TMPO: variants seen among roughly 807,000 people sequenced by gnomAD.
TMPO encodes the protein thymopoietin.
A neutral mutation model predicts 45.4 loss-of-function variants in TMPO; 22 were observed. The observed-to-expected ratio is 0.48, with a 90% CI of 0.35 to 0.69. The LOEUF (loss-of-function observed/expected upper bound fraction) is 0.69, where lower values mean the gene tolerates loss of function less well. Among genes scored for constraint, TMPO ranks in the 30% least tolerant of loss-of-function variants. The probability of loss-of-function intolerance (pLI) is 0.01; values close to 1 mark genes in which losing one functional copy is unlikely to be tolerated. For missense variants in TMPO, 512 were observed against 548.8 expected, an observed-to-expected ratio of 0.93 and a Z score of 0.67; for synonymous variants, 241 against 204.1, an observed-to-expected ratio of 1.18 and a Z score of -1.54.
Position 98,547,879 on chromosome 12 carries a change from T to A in TMPO, c.*21T>A, listed in dbSNP as rs929453380. 3.1e-6 allele frequency: 5 copies of A among 1,612,626 alleles called. No individual in the cohort carries two copies. The Admixed American group carries it at 5.0e-5, about 16-fold the overall frequency. On this transcript the variant is annotated 3_prime_UTR_variant, in exon 9 of 9. Transcript: ENST00000556029. ...ACTGAATGGTATCTCTTTGGCACGT[T>A]CAACTTGGTCTCCTATTTTCAATAA...
rs772520813 is a variant in TMPO at position 98,516,157 on chromosome 12, G to C, written c.279+11G>C. 1.7e-5 allele frequency: 23 copies of C among 1,379,312 alleles called. No individual in the cohort carries two copies. Among genetic ancestry groups the C allele is most frequent in the Non-Finnish European group, 2.1e-5 (22 of 1,072,862 alleles). 85.4% of individuals were successfully genotyped at this position (1,379,312 alleles called of 1,614,324 possible). Reference sequence around the variant, plus strand: ...GCAGCCGTCGGCAGGGTAAGGACGCGGGGCCGGGGCTACAAAGGCGGGCGT... The same window carrying C: ...GCAGCCGTCGGCAGGGTAAGGACGCCGGGCCGGGGCTACAAAGGCGGGCGT... On this transcript the variant is annotated intron_variant, in intron 1 of 8. Coordinates refer to ENST00000556029, the MANE Select transcript of TMPO (RefSeq NM_001032283.3).
At position 98,515,686 on chromosome 12, in the gene TMPO, C is replaced by G. The variant is rs1378791264; in HGVS notation, c.-182C>G. 7.4e-7 allele frequency: 1 copy of G among 1,356,558 alleles called. No individual in the cohort carries two copies. The highest frequency in any genetic ancestry group is 2.5e-5 in the Admixed American group (1 of 40,070). 84.0% of individuals were successfully genotyped at this position (1,356,558 alleles called of 1,614,324 possible). ...TTGGTTCGTAGTTCGGCTCTGGGGT[C>G]TTTTGTGTCCGGGTCTGGCTTGGCT... On this transcript the variant is annotated 5_prime_UTR_variant, in exon 1 of 9. Coordinates refer to ENST00000556029, the MANE Select transcript of TMPO (RefSeq NM_001032283.3).
At chr12:98,518,467 A>C (rs1163732530) in intron 1 of TMPO, among the ~76,000 whole-genome samples, 2 of 101,996 alleles carry the variant, frequency 2.0e-5, no homozygotes. Context: ...CTAATTTTCT[A>C]ATCTTTTTTT....
intron 1 of TMPO, among the ~76,000 whole-genome samples, chr12:98,521,272 C>A (rs545343548): frequency 8.6e-5 from 13 of 151,052 alleles, no homozygotes; most frequent in Admixed American, 8.6e-4. Flanking sequence ...CCACCACCCC[C>A]GGCTAATTTT....
chr12:98,519,105 A>G (rs563912258), intron 1 of TMPO, among the ~76,000 whole-genome samples: 20 of 151,920 alleles, frequency 1.3e-4, no homozygotes, highest in Non-Finnish European at 2.4e-4. Flanking sequence ...GATGGCCTCG[A>G]TCTCCTGACC....
intron 4 of TMPO, among the ~76,000 whole-genome samples, chr12:98,543,367 C>T (rs989434818): frequency 6.6e-6 from 1 of 152,148 alleles, no homozygotes; most frequent in African/African-American, 2.4e-5. Context: ...ACTTGGAATG[C>T]GGAATTTCGG....
At chr12:98,533,296 A>T in intron 3 of TMPO, 4 of 1,614,062 alleles carry the variant, frequency 2.5e-6, no homozygotes, top group Non-Finnish European at 3.4e-6. Flanking sequence ...GAGGTCCCAT[A>T]TTTCAGATCA....
intron 1 of TMPO, among the ~76,000 whole-genome samples, chr12:98,518,913 G>A (rs1876109329): frequency 1.3e-5 from 2 of 150,156 alleles, no homozygotes; most frequent in South Asian, 4.2e-4. Context: ...GACGAGTCTT[G>A]CTCTGTCGCC....
chr12:98,523,972 G>A (rs773314509), intron 1 of TMPO, among the ~76,000 whole-genome samples: 8 of 152,154 alleles, frequency 5.3e-5, no homozygotes, highest in Non-Finnish European at 1.0e-4. Flanking sequence ...AGCCACTGCC[G>A]AGAATTGGTT....
Position 98,544,956 on chromosome 12 carries a change from C to G in TMPO, c.885C>G (p.Val295=). 6.2e-7 allele frequency: 1 copy of G among 1,610,952 alleles called. No individual in the cohort carries two copies. Among genetic ancestry groups the G allele is most frequent in the South Asian group, 1.1e-5 (1 of 90,984 alleles). Residue 295 remains valine (V), a synonymous_variant, in exon 7 of 9, where the codon GTC becomes GTG. Coordinates refer to ENST00000556029, the MANE Select transcript of TMPO (RefSeq NM_001032283.3). ...IMASSNESLV[V]NRVTGNFKHA... ...AATAATTTGAATCTTGGCAGGTTGT[C>G]AATAGGGTGACTGGAAATTTCAAGC...
intron 3 of TMPO, chr12:98,533,159 G>A: frequency 6.2e-7 from 1 of 1,614,126 alleles, no homozygotes; most frequent in Non-Finnish European, 8.5e-7. Flanking sequence ...CCTGAACACA[G>A]TGCCATGTTG....
chr12:98,515,972 C>T lies in TMPO; in HGVS notation c.105C>T (p.Asp35=), dbSNP rs1875752554. 2.5e-6 allele frequency: 4 copies of T among 1,613,072 alleles called. No individual in the cohort carries two copies. Among genetic ancestry groups the T allele is most frequent in the Non-Finnish European group, 3.4e-6 (4 of 1,179,848 alleles). Residue 35 remains aspartate (D), a synonymous_variant, in exon 1 of 9, where the codon GAC becomes GAT. Transcript: ENST00000556029. ...VTLPAGEQRK[D]VYVQLYLQHL... is the part of the protein sequence containing the mutation. ...TGCCGGCCGGGGAGCAGCGCAAAGACGTGTACGTCCAGCTCTACCTGCAGC... is the reference window on the plus strand; with the variant it reads ...TGCCGGCCGGGGAGCAGCGCAAAGATGTGTACGTCCAGCTCTACCTGCAGC...
intron 1 of TMPO, among the ~76,000 whole-genome samples, chr12:98,519,243 T>C (rs753752535): frequency 5.3e-4 from 80 of 151,894 alleles, no homozygotes; most frequent in Non-Finnish European, 1.1e-3. Context: ...AGACGGAGTC[T>C]CCATTGCCCA....
chr12:98,535,423 A>G, intron 3 of TMPO: 1 of 985,394 alleles, frequency 1.0e-6, no homozygotes, highest in Non-Finnish European at 1.2e-6. Context: ...CTTAAGCATA[A>G]TAAAATATGG....
rs1244858960 is a variant in TMPO, at chr12:98,527,873, A to G, written c.280-13A>G. ...TAATTCATATGGAAATGATTACTGG[A>G]CTTTGTTTACAGAAAGCCACAAAAA... On this transcript the variant is annotated splice_polypyrimidine_tract_variant and intron_variant, in intron 1 of 8. Transcript: ENST00000556029. The G allele has an allele frequency of 1.9e-6, 3 of 1,613,260 alleles. No individual in the cohort carries two copies. Among genetic ancestry groups the G allele is most frequent in the African/African-American group, 2.7e-5 (2 of 74,890 alleles).
chr12:98,520,715 G>T (rs185585158), intron 1 of TMPO, among the ~76,000 whole-genome samples: 35 of 151,510 alleles, frequency 2.3e-4, no homozygotes, highest in African/African-American at 8.5e-4. Context: ...GCTCTGCCTA[G>T]CTGAGACTAC....
chr12:98,528,143 T>G, intron 2 of TMPO, 131 bp downstream of exon 2: 1 of 994,512 alleles, frequency 1.0e-6, no homozygotes, highest in Non-Finnish European at 1.5e-6. Flanking sequence ...CAGCAGAACC[T>G]GTGTTTCTTT....
At chr12:98,527,804 G>A (rs1254047400) in intron 1 of TMPO, 82 bp from the exon 2 acceptor site, 27 of 1,532,838 alleles carry the variant, frequency 1.8e-5, no homozygotes, top group Non-Finnish European at 9.0e-7. Context: ...TAGTGAGTTT[G>A]CATGTTTATG....
At chr12:98,543,461 T>G (rs1878046376) in intron 4 of TMPO, among the ~76,000 whole-genome samples, 1 of 152,212 alleles carries the variant, frequency 6.6e-6, no homozygotes, top group Non-Finnish European at 1.5e-5. Context: ...GAAGAACTGA[T>G]CTAATGGGTT....
Sources: gnomAD v4.1 joint callset for allele counts (sites outside exome capture counted in the v4.1 genomes callset) on GRCh38, gnomAD v4.1.1 for gene constraint, MANE v1.5 for transcripts, NCBI Gene and HGNC (gene_info 2026-07-23, HGNC 2026-07-21) for gene names.